The following RBMS3 variants were observed in gnomAD, a reference collection of about 807,000 sequenced individuals.
The protein encoded by RBMS3 is RNA-binding motif, single-stranded-interacting protein 3.
Under a neutral mutation model 66.8 loss-of-function variants are expected in RBMS3, and 27 were observed. That is an observed-to-expected ratio of 0.40 (90% CI 0.30 to 0.56). RBMS3 has a LOEUF of 0.56. Ranked by LOEUF, RBMS3 falls within the 20% of genes least tolerant of loss-of-function variation. RBMS3 has a pLI of 0.40. For missense variants in RBMS3, 513 were observed against 549.5 expected (o/e 0.93, Z 0.66); for synonymous variants, 188 against 183.0 (o/e 1.03, Z -0.22).
intron 1 of RBMS3, among the ~76,000 whole-genome samples, chr3:29,282,935 C>A (rs868849602): frequency 5.7e-4 from 87 of 152,100 alleles, no homozygotes; most frequent in Non-Finnish European, 9.6e-4. Context: ...TTGTTTTTTT[C>A]TTTTTCAATT....
intron 14 of RBMS3, 33 bp from the exon 15 acceptor site, chr3:30,003,823 T>G (rs1208639795): frequency 7.2e-7 from 1 of 1,387,200 alleles, no homozygotes; most frequent in African/African-American, 1.5e-5. Context: ...TTACTTTAAT[T>G]TAATGACCAC....
chr3:29,324,094 A>G (rs1310279795), intron 1 of RBMS3, among the ~76,000 whole-genome samples: 2 of 152,156 alleles, frequency 1.3e-5, no homozygotes, highest in African/African-American at 4.8e-5. Context: ...ACTTTATTAA[A>G]AGGACAAAGG....
chr3:29,932,684 GC>G (rs1448873998), intron 10 of RBMS3, among the ~76,000 whole-genome samples: 2 of 152,120 alleles, frequency 1.3e-5, no homozygotes, highest in African/African-American at 2.4e-5. Context: ...TCCCTGATTT[GC>G]CAATGGTTTT....
chr3:29,444,842 C>T (rs375087468), intron 2 of RBMS3, among the ~76,000 whole-genome samples: 3 of 101,056 alleles, frequency 3.0e-5, no homozygotes, highest in African/African-American at 3.7e-5. Context: ...AGTCATCTTT[C>T]CTAACATTCC....
chr3:29,281,839 A>G (rs2031820659), intron 1 of RBMS3, 83 bp downstream of exon 1: 2 of 1,164,260 alleles, frequency 1.7e-6, no homozygotes, highest in East Asian at 2.4e-5. Flanking sequence ...GTGAATTATT[A>G]GTTAACCCCC....
intron 3 of RBMS3, among the ~76,000 whole-genome samples, chr3:29,510,199 T>A (rs2044342313): frequency 6.6e-6 from 1 of 152,228 alleles, no homozygotes; most frequent in African/African-American, 2.4e-5. Context: ...TTATCAAGTC[T>A]GAATTTCTCA....
In RBMS3 at chr3:29,654,521, CGTGTGTGTGTGTGTGT is replaced by C. The variant is rs56163408; in HGVS notation, c.399+67353_399+67368del. 5.3e-3 allele frequency among the ~76,000 whole-genome samples: 631 copies of C among 118,990 alleles called. 4 individuals carry two copies. Among genetic ancestry groups the C allele is most frequent in the Non-Finnish European group, 6.1e-3 (354 of 57,944 alleles). The allele number at this position is 118,990 out of a possible 152,430, so 78.1% of individuals were successfully genotyped here. ...GAAGCCAGAATACATGAATTGGATT[CGTGTGTGTGTGTGTGT>C]GTGTGTGTGTGTGTGTGTGTGTGTG... On this transcript the variant is annotated intron_variant, in intron 4 of 14. Coordinates refer to ENST00000383767, the MANE Select transcript of RBMS3 (RefSeq NM_001003793.3).
At chr3:29,558,745 A>G (rs933802095) in intron 3 of RBMS3, among the ~76,000 whole-genome samples, 3 of 150,670 alleles carry the variant, frequency 2.0e-5, no homozygotes, top group Non-Finnish European at 2.9e-5. Flanking sequence ...CATCACAACT[A>G]TTTATATGCT....
chr3:29,923,673 T>G (rs1005015415), intron 10 of RBMS3, among the ~76,000 whole-genome samples: 5 of 152,080 alleles, frequency 3.3e-5, no homozygotes, highest in Non-Finnish European at 1.5e-5. Flanking sequence ...CTTTAATACA[T>G]CAGTATAATT....
chr3:29,778,306 G>C (rs1418942787), intron 6 of RBMS3, among the ~76,000 whole-genome samples: 1 of 151,498 alleles, frequency 6.6e-6, no homozygotes, highest in African/African-American at 2.4e-5. Context: ...TGTTTCTCTT[G>C]TTCTCTTGTG....
chr3:29,338,712 C>T (rs887381308), intron 1 of RBMS3, among the ~76,000 whole-genome samples: 1 of 147,120 alleles, frequency 6.8e-6, no homozygotes, highest in African/African-American at 2.5e-5. Context: ...CTCTCCTCTC[C>T]TCTCCTCTCT....
intron 6 of RBMS3, among the ~76,000 whole-genome samples, chr3:29,781,827 G>A (rs1364932259): frequency 6.6e-6 from 1 of 151,956 alleles, no homozygotes; most frequent in Admixed American, 6.6e-5. Context: ...TAGTACCGTG[G>A]GCTGTGTGGG....
chr3:29,519,836 A>G (rs1352454201), intron 3 of RBMS3, among the ~76,000 whole-genome samples: 1 of 151,948 alleles, frequency 6.6e-6, no homozygotes, highest in Non-Finnish European at 1.5e-5. Flanking sequence ...ACACCACATA[A>G]TAACTTTTAC....
intron 1 of RBMS3, among the ~76,000 whole-genome samples, chr3:29,321,387 A>G (rs2035000418): frequency 6.6e-6 from 1 of 152,160 alleles, no homozygotes; most frequent in Non-Finnish European, 1.5e-5. Context: ...TTTGTAAGCA[A>G]CTTATAAAAT....
chr3:29,961,195 G>T (rs915549346), intron 12 of RBMS3, among the ~76,000 whole-genome samples: 3 of 152,112 alleles, frequency 2.0e-5, no homozygotes, highest in Non-Finnish European at 4.4e-5. Context: ...CTAGGGCGGG[G>T]GCAAAATGCC....
chr3:29,994,873 C>T (rs1227360658), intron 14 of RBMS3, among the ~76,000 whole-genome samples: 3 of 152,178 alleles, frequency 2.0e-5, no homozygotes, highest in Admixed American at 2.0e-4. Context: ...TGCCTCTCCT[C>T]CTCCAAAGGA....
rs537893659 is a variant in RBMS3 at position 29,587,227 on chromosome 3, G to GTTTTTTTTTTTTT, written c.399+32_399+44dup. 7 of 213,462 alleles carry GTTTTTTTTTTTTT rather than the reference G, an allele frequency of 3.3e-5. 2 individuals carry two copies. The African/African-American group carries it at 4.8e-4, about 15-fold the overall frequency. 13.2% of individuals were successfully genotyped at this position (213,462 alleles called of 1,614,324 possible). A position where few individuals can be genotyped will look rare whatever the true frequency, so the allele number is the denominator to read the frequency against. ...TAAGGTAAGATTGATGTTTAGGGGT[G>GTTTTTTTTTTTTT]TTTTTTTTTTTTTTTTTTTTTTGTG... is the stretch of plus-strand genomic sequence containing the variant. On this transcript the variant is annotated intron_variant, in intron 4 of 14. Transcript: ENST00000383767.
intron 6 of RBMS3, among the ~76,000 whole-genome samples, chr3:29,801,272 C>CTTTTTTTCTTTTT (rs553179866): frequency 7.7e-5 from 10 of 129,456 alleles, no homozygotes; most frequent in Non-Finnish European, 9.7e-5. Flanking sequence ...TGCTTTTTTT[C>CTTTTTTTCTTTTT]TTTTTTTTTT....
At chr3:29,719,931 A>AT (rs5847587) in intron 4 of RBMS3, among the ~76,000 whole-genome samples, 8,325 of 146,392 alleles carry the variant, frequency 0.057, 292 homozygotes, top group African/African-American at 0.1. Context: ...TTACAGATAC[A>AT]TTTTTTTTTT....
Sources: allele counts gnomAD v4.1 joint callset (sites outside exome capture counted in the v4.1 genomes callset), GRCh38; gene constraint gnomAD v4.1.1; transcripts MANE v1.5; gene names NCBI Gene and HGNC (gene_info 2026-07-23, HGNC 2026-07-21).